The following GPR158 variants were observed in gnomAD, a reference collection of about 807,000 sequenced individuals.
The protein encoded by GPR158 is metabotropic glycine receptor.
In GPR158, 30 loss-of-function variants were observed where a neutral mutation model predicts 78.2. The observed-to-expected ratio is 0.38, with a 90% CI of 0.29 to 0.52. GPR158 has a LOEUF of 0.52. Among genes scored for constraint, GPR158 ranks in the 20% least tolerant of loss-of-function variants. The pLI is 0.83. For missense variants in GPR158, 1,463 were observed against 1,523.5 expected (o/e 0.96, Z 0.66); for synonymous variants, 581 against 591.1 (o/e 0.98, Z 0.25).
At chr10:25,476,510 G>A (rs543806333) in intron 5 of GPR158, among the ~76,000 whole-genome samples, 2 of 111,670 alleles carry the variant, frequency 1.8e-5, no homozygotes, top group South Asian at 6.3e-4. Flanking sequence ...TCCCTACCCC[G>A]GTCTTATAAG....
At chr10:25,557,067 A>G (rs978455005) in intron 6 of GPR158, among the ~76,000 whole-genome samples, 4 of 152,242 alleles carry the variant, frequency 2.6e-5, no homozygotes, top group Non-Finnish European at 5.9e-5. Flanking sequence ...CTTAACAAAT[A>G]TAAATTTTCT....
At chr10:25,570,212 T>G (rs1216287446) in intron 6 of GPR158, among the ~76,000 whole-genome samples, 2 of 152,238 alleles carry the variant, frequency 1.3e-5, no homozygotes, top group Non-Finnish European at 2.9e-5. Flanking sequence ...TTCTTGAATC[T>G]TTTAATCTGC....
chr10:25,374,380 AAACTGTCATTGGT>A (rs1834045980), intron 2 of GPR158, among the ~76,000 whole-genome samples: 1 of 151,692 alleles, frequency 6.6e-6, no homozygotes, highest in South Asian at 2.1e-4. Context: ...CAAAACTAGG[AAACTGTCATTGGT>A]AACAGTCCAC....
At chr10:25,400,475 A>G (rs1392996489) in intron 3 of GPR158, among the ~76,000 whole-genome samples, 2 of 152,246 alleles carry the variant, frequency 1.3e-5, no homozygotes, top group Non-Finnish European at 2.9e-5. Flanking sequence ...AACAGAATGT[A>G]TTCAAATAAC....
intron 2 of GPR158, among the ~76,000 whole-genome samples, chr10:25,389,659 C>T (rs190860191): frequency 1.5e-3 from 222 of 152,294 alleles, no homozygotes; most frequent in African/African-American, 5.0e-3. Context: ...CTGAAACACG[C>T]CCCTTGCATG....
At chr10:25,219,780 G>A (rs1185689585) in intron 1 of GPR158, among the ~76,000 whole-genome samples, 1 of 152,212 alleles carries the variant, frequency 6.6e-6, no homozygotes, top group African/African-American at 2.4e-5. Flanking sequence ...AGTTTAAAAG[G>A]AGAAAAGAGA....
intron 5 of GPR158, among the ~76,000 whole-genome samples, chr10:25,496,543 T>A (rs1835883085): frequency 6.6e-6 from 1 of 152,216 alleles, no homozygotes; most frequent in South Asian, 2.1e-4. Context: ...GTAGAAATCC[T>A]TGGTGCTTTT....
intron 2 of GPR158, among the ~76,000 whole-genome samples, chr10:25,249,113 G>GTTTC (rs1328425153): frequency 6.6e-6 from 1 of 152,000 alleles, no homozygotes; most frequent in East Asian, 1.9e-4. Flanking sequence ...TTGGCTCTCT[G>GTTTC]TCTGTTGTTG....
chr10:25,559,420 C>A (rs911478087), intron 6 of GPR158, among the ~76,000 whole-genome samples: 11 of 152,178 alleles, frequency 7.2e-5, no homozygotes, highest in Admixed American at 2.0e-4. Flanking sequence ...AAATATGTAG[C>A]AATGTGTATC....
rs368773769 is a variant in GPR158 at position 25,598,526 on chromosome 10, C to T, written c.2900C>T (p.Pro967Leu). 2 of 1,613,316 alleles carry T rather than the reference C, an allele frequency of 1.2e-6. No individual in the cohort carries two copies. The highest frequency in any genetic ancestry group is 2.7e-5 in the African/African-American group (2 of 74,692). Residue 967 changes from proline (P) to leucine (L), a missense_variant, in exon 11 of 11, where the codon CCA becomes CTA. Pro to Leu is a moderately conservative substitution (Grantham distance 98). Coordinates refer to ENST00000376351, the MANE Select transcript of GPR158 (RefSeq NM_020752.3). ...CAAAACTCAAATCCTGCGGAGGAGC[C>T]AAGAAAGCCTCAGAAATCTGGGATT... ...APQNSNPAEE[P>L]RKPQKSGIMK...
chr10:25,596,529 A>C lies in GPR158; in HGVS notation c.1999-114A>C, dbSNP rs1404399037. Reference sequence around the variant, plus strand: ...TATCTATATATATAGATAGATAGATAGATCTAGGTATAGATATAGATACCT... The same window carrying C: ...TATCTATATATATAGATAGATAGATCGATCTAGGTATAGATATAGATACCT... On this transcript the variant is annotated intron_variant, in intron 9 of 10. Coordinates refer to ENST00000376351, the MANE Select transcript of GPR158 (RefSeq NM_020752.3). 2.7e-5 allele frequency: 18 copies of C among 677,012 alleles called. No homozygotes were observed. In the East Asian group the frequency reaches 4.3e-4, roughly 16 times the overall value. The allele number at this position is 677,012 out of a possible 1,614,324, so 41.9% of individuals were successfully genotyped here.
chr10:25,405,436 G>C (rs556208837), intron 3 of GPR158, among the ~76,000 whole-genome samples: 47 of 136,860 alleles, frequency 3.4e-4, no homozygotes, highest in African/African-American at 1.2e-3. Context: ...TAATGGCTTA[G>C]TTTGACAATA....
At chr10:25,434,252 G>T (rs986863032) in intron 4 of GPR158, among the ~76,000 whole-genome samples, 2 of 152,130 alleles carry the variant, frequency 1.3e-5, no homozygotes, top group African/African-American at 4.8e-5. Context: ...TATGAAGAAT[G>T]AGTAAAGTGA....
chr10:25,590,277 G>T (rs1217894410), intron 8 of GPR158, among the ~76,000 whole-genome samples: 1 of 152,162 alleles, frequency 6.6e-6, no homozygotes, highest in Non-Finnish European at 1.5e-5. Flanking sequence ...GAACCCTGGA[G>T]ACTCCATCAA....
intron 6 of GPR158, 97 bp from the exon 7 acceptor site, chr10:25,572,552 T>C (rs772822728): frequency 1.1e-4 from 88 of 813,518 alleles, no homozygotes; most frequent in Admixed American, 3.3e-4. Context: ...AGCTGGATTT[T>C]GGTGGGTTTA....
intron 4 of GPR158, among the ~76,000 whole-genome samples, chr10:25,446,237 T>C (rs1374666420): frequency 1.3e-5 from 2 of 152,172 alleles, no homozygotes; most frequent in South Asian, 4.1e-4. Flanking sequence ...TTTATTCTAT[T>C]GGTATCAGAG....
chr10:25,274,793 G>C (rs11014481), intron 2 of GPR158, among the ~76,000 whole-genome samples: 19,087 of 152,126 alleles, frequency 0.13, 1,516 homozygotes, highest in East Asian at 0.3. Context: ...TATTTTTGTT[G>C]TGTTCTTTGG....
chr10:25,232,853 A>C (rs1485803019), intron 2 of GPR158, among the ~76,000 whole-genome samples: 1 of 152,226 alleles, frequency 6.6e-6, no homozygotes, highest in Non-Finnish European at 1.5e-5. Flanking sequence ...TGTCTCTAAA[A>C]TGCACAAGAT....
chr10:25,504,494 T>TG (rs1835984782), intron 5 of GPR158, among the ~76,000 whole-genome samples: 2 of 152,178 alleles, frequency 1.3e-5, no homozygotes, highest in African/African-American at 4.8e-5. Context: ...TCCAACATGG[T>TG]GGATAGCATC....
Sources: allele counts gnomAD v4.1 joint callset (sites outside exome capture counted in the v4.1 genomes callset), GRCh38; gene constraint gnomAD v4.1.1; transcripts MANE v1.5; gene names NCBI Gene and HGNC (gene_info 2026-07-23, HGNC 2026-07-21).